The following RAB38 variants were observed in gnomAD, a reference collection of about 807,000 sequenced individuals.
The protein encoded by RAB38 is ras-related protein Rab-38.
In RAB38, 15 loss-of-function variants were observed where a neutral mutation model predicts 18.4. The ratio of observed to expected loss-of-function variants is 0.82; its 90% CI spans 0.55 to 1.26. The LOEUF (loss-of-function observed/expected upper bound fraction) is 1.26, where lower values mean the gene tolerates loss of function less well. RAB38 is among the 50% of genes most tolerant of loss of function. RAB38 has a pLI of 0.00. For missense variants in RAB38, 294 were observed against 267.4 expected (o/e 1.10, Z -0.69); for synonymous variants, 101 against 104.4 (o/e 0.97, Z 0.20).
the RAB38 span, among the ~76,000 whole-genome samples, chr11:87,845,064 A>T: frequency 1.3e-5 from 2 of 152,242 alleles, no homozygotes; most frequent in Non-Finnish European, 2.9e-5. Flanking sequence ...CTGAAATTTG[A>T]ACCATCATCC....
At chr11:87,816,743 CTTTA>C in the RAB38 span, among the ~76,000 whole-genome samples, 1 of 151,976 alleles carries the variant, frequency 6.6e-6, no homozygotes, top group Non-Finnish European at 1.5e-5. Context: ...ATCCTATAGA[CTTTA>C]TTTTTCTGAA....
chr11:87,976,392 TAC>T, the RAB38 span, among the ~76,000 whole-genome samples: 1 of 138,802 alleles, frequency 7.2e-6, no homozygotes, highest in Non-Finnish European at 1.5e-5. Flanking sequence ...TATTTATATA[TAC>T]ACATATTTAT....
At chr11:87,916,168 A>G in the RAB38 span, among the ~76,000 whole-genome samples, 1 of 152,050 alleles carries the variant, frequency 6.6e-6, no homozygotes, top group African/African-American at 2.4e-5. Context: ...TTGGGAGACT[A>G]TTGGGAGGGA....
the RAB38 span, among the ~76,000 whole-genome samples, chr11:87,813,296 C>T: frequency 6.6e-6 from 1 of 152,202 alleles, no homozygotes; most frequent in Admixed American, 6.5e-5. Flanking sequence ...TGTACCCAGG[C>T]GTTAAGATAA....
the RAB38 span, among the ~76,000 whole-genome samples, chr11:88,094,714 G>C: frequency 3.3e-5 from 5 of 151,882 alleles, no homozygotes; most frequent in African/African-American, 1.2e-4. Context: ...CTGCATAGCA[G>C]AATATGACTG....
intron 1 of RAB38, among the ~76,000 whole-genome samples, chr11:88,154,381 T>TCTC (rs1241058377): frequency 3.3e-5 from 5 of 152,144 alleles, no homozygotes; most frequent in Admixed American, 6.5e-5. Context: ...AGAAGTGTGT[T>TCTC]CTCCTCTGTC....
At chr11:87,922,204 A>G in the RAB38 span, among the ~76,000 whole-genome samples, 39 of 152,084 alleles carry the variant, frequency 2.6e-4, no homozygotes, top group African/African-American at 8.9e-4. Flanking sequence ...ATTATATTGC[A>G]TTAGGGAGAC....
chr11:87,930,771 G>T, the RAB38 span, among the ~76,000 whole-genome samples: 3 of 152,094 alleles, frequency 2.0e-5, no homozygotes, highest in Admixed American at 2.0e-4. Flanking sequence ...TCCAGTTTCA[G>T]CTTTCTATAT....
At chr11:88,077,995 T>G in the RAB38 span, among the ~76,000 whole-genome samples, 1 of 152,074 alleles carries the variant, frequency 6.6e-6, no homozygotes. Context: ...ATCATCCAAT[T>G]TTTAAAATTG....
the RAB38 span, among the ~76,000 whole-genome samples, chr11:87,880,639 C>T: frequency 6.6e-6 from 1 of 151,720 alleles, no homozygotes; most frequent in Non-Finnish European, 1.5e-5. Context: ...TCAGTGAGAG[C>T]AGAAAGAATA....
At chr11:88,117,882 T>C (rs1005409983) in intron 2 of RAB38, among the ~76,000 whole-genome samples, 1 of 152,224 alleles carries the variant, frequency 6.6e-6, no homozygotes, top group African/African-American at 2.4e-5. Context: ...ATAAATGTTA[T>C]CTGTATATTC....
the RAB38 span, among the ~76,000 whole-genome samples, chr11:87,950,576 G>T: frequency 6.6e-6 from 1 of 152,122 alleles, no homozygotes; most frequent in Non-Finnish European, 1.5e-5. Context: ...TTTAAGGCAG[G>T]CCTGGTAGTG....
At position 88,116,511 on chromosome 11, in the gene RAB38, C is replaced by T. The variant is rs1222908769; in HGVS notation, c.484-2371G>A. ...AGCTTATCTGTAAGGGGTTAAAAGG[C>T]TTCCCCAGAATCACACAGCAAGTGG... On this transcript the variant is annotated intron_variant, in intron 2 of 2. Transcript: ENST00000243662. 2.0e-5 allele frequency among the ~76,000 whole-genome samples: 3 copies of T among 152,320 alleles called. No individual in the cohort carries two copies. In the South Asian group the frequency reaches 6.2e-4, roughly 32 times the overall value.
At chr11:88,029,326 G>A in the RAB38 span, among the ~76,000 whole-genome samples, 1 of 150,518 alleles carries the variant, frequency 6.6e-6, no homozygotes, top group Non-Finnish European at 1.5e-5. Context: ...ATCAACTAAC[G>A]AGCAAAATAA....
At chr11:88,056,899 C>A in the RAB38 span, among the ~76,000 whole-genome samples, 1 of 152,082 alleles carries the variant, frequency 6.6e-6, no homozygotes, top group Non-Finnish European at 1.5e-5. Context: ...ATAGAAACTA[C>A]CAAATCACCA....
At chr11:87,810,076 GA>G in the RAB38 span, among the ~76,000 whole-genome samples, 2 of 151,972 alleles carry the variant, frequency 1.3e-5, no homozygotes, top group East Asian at 1.9e-4. Context: ...CAAAATTTCT[GA>G]AAAAAATTGG....
chr11:88,031,215 G>C, the RAB38 span, among the ~76,000 whole-genome samples: 2 of 152,202 alleles, frequency 1.3e-5, no homozygotes, highest in Non-Finnish European at 2.9e-5. Context: ...ATTAGATATT[G>C]ATGGGACGTA....
At chr11:87,912,463 G>A in the RAB38 span, among the ~76,000 whole-genome samples, 13,378 of 151,926 alleles carry the variant, frequency 0.088, 1,514 homozygotes, top group African/African-American at 0.27. Flanking sequence ...TTTCATCTAA[G>A]TGTCCAATGT....
chr11:87,861,084 C>CA, the RAB38 span, among the ~76,000 whole-genome samples: 3 of 151,904 alleles, frequency 2.0e-5, no homozygotes, highest in East Asian at 5.9e-4. Context: ...CAGCAGTTTA[C>CA]AAATGGATAA....
Sources: allele counts gnomAD v4.1 joint callset (sites outside exome capture counted in the v4.1 genomes callset), GRCh38; gene constraint gnomAD v4.1.1; transcripts MANE v1.5; gene names NCBI Gene and HGNC (gene_info 2026-07-23, HGNC 2026-07-21).